KIF16B: variants seen among roughly 807,000 people sequenced by gnomAD.
KIF16B encodes the protein kinesin family member 16B, also known as kinesin-like protein KIF16B.
KIF16B carries 98 observed loss-of-function variants against 156.3 expected under a neutral mutation model. The ratio of observed to expected loss-of-function variants is 0.63; its 90% CI spans 0.53 to 0.74. The LOEUF (loss-of-function observed/expected upper bound fraction) is 0.74. Among genes scored for constraint, KIF16B ranks in the 30% least tolerant of loss-of-function variants. KIF16B has a pLI of 0.00. For synonymous variants in KIF16B, 564 were observed against 583.7 expected (o/e 0.97, Z 0.49); for missense variants, 1,421 against 1,606.5 (o/e 0.88, Z 1.97).
At chr20:16,290,430 T>A (rs1484816701) in intron 25 of KIF16B, among the ~76,000 whole-genome samples, 1 of 152,124 alleles carries the variant, frequency 6.6e-6, no homozygotes, top group Non-Finnish European at 1.5e-5. Flanking sequence ...TGAGGGCAAA[T>A]CTCCTTCGGT....
rs570012474 is a variant in KIF16B, at chr20:16,352,906, C to T, written c.3621+3424G>A. ...CTGGCAGTGACACCAGCAAGCTATA[C>T]AGCAAACAGGGGTCTTATACCAGGG... On this transcript the variant is annotated intron_variant, in intron 23 of 25. Transcript: ENST00000354981. Among the ~76,000 whole-genome samples, 53 of 152,334 alleles carry T rather than the reference C, an allele frequency of 3.5e-4. No homozygotes were observed. In the South Asian group the frequency reaches 6.6e-3, roughly 19 times the overall value.
At chr20:16,518,786 A>G (rs2069230126) in intron 3 of KIF16B, among the ~76,000 whole-genome samples, 1 of 152,190 alleles carries the variant, frequency 6.6e-6, no homozygotes, top group Admixed American at 6.5e-5. Flanking sequence ...GAACTATAGT[A>G]GTAGACATGA....
chr20:16,521,992 G>C (rs927547046), intron 3 of KIF16B, among the ~76,000 whole-genome samples: 15 of 152,226 alleles, frequency 9.9e-5, no homozygotes, highest in African/African-American at 3.6e-4. Flanking sequence ...GCCACCACCA[G>C]GCCTGCCTTA....
chr20:16,472,805 C>T (rs904629009), intron 12 of KIF16B, among the ~76,000 whole-genome samples: 14 of 152,166 alleles, frequency 9.2e-5, no homozygotes, highest in African/African-American at 3.4e-4. Context: ...CTATGTGCCA[C>T]TACCATGCCA....
At chr20:16,348,317 T>G (rs977162310) in intron 23 of KIF16B, among the ~76,000 whole-genome samples, 5 of 152,210 alleles carry the variant, frequency 3.3e-5, no homozygotes, top group African/African-American at 1.2e-4. Context: ...TATGGCTCAG[T>G]GCACTTAGAC....
At chr20:16,567,481 C>T (rs1739985057) in intron 1 of KIF16B, among the ~76,000 whole-genome samples, 1 of 152,182 alleles carries the variant, frequency 6.6e-6, no homozygotes, top group Admixed American at 6.5e-5. Flanking sequence ...ATCGGCATTT[C>T]CCTGAGGCCA....
chr20:16,289,734 G>A (rs1159936219), intron 25 of KIF16B, among the ~76,000 whole-genome samples: 3 of 152,112 alleles, frequency 2.0e-5, no homozygotes, highest in Admixed American at 6.5e-5. Context: ...CCAGCTACTC[G>A]GGAGGCTGAG....
intron 12 of KIF16B, among the ~76,000 whole-genome samples, chr20:16,458,274 T>C (rs1016963322): frequency 1.3e-5 from 2 of 152,254 alleles, no homozygotes; most frequent in Non-Finnish European, 2.9e-5. Context: ...GCTTGCTCTA[T>C]ATAAAGAGAA....
chr20:16,452,272 T>C (rs1013351212), intron 12 of KIF16B, among the ~76,000 whole-genome samples: 9 of 152,048 alleles, frequency 5.9e-5, no homozygotes, highest in African/African-American at 1.7e-4. Context: ...CTACAGGATA[T>C]TGAGAAACTG....
intron 15 of KIF16B, among the ~76,000 whole-genome samples, chr20:16,410,638 G>A (rs1159074927): frequency 6.6e-6 from 1 of 151,930 alleles, no homozygotes; most frequent in Non-Finnish European, 1.5e-5. Context: ...GAAAGCAAAG[G>A]TGCCACTATC....
At chr20:16,404,258 C>G (rs1414373614) in intron 17 of KIF16B, among the ~76,000 whole-genome samples, 1 of 152,132 alleles carries the variant, frequency 6.6e-6, no homozygotes, top group Non-Finnish European at 1.5e-5. Flanking sequence ...TAGGCATTTT[C>G]ATTATCACTG....
At chr20:16,459,766 A>G (rs762180456) in intron 12 of KIF16B, among the ~76,000 whole-genome samples, 1 of 152,230 alleles carries the variant, frequency 6.6e-6, no homozygotes, top group Non-Finnish European at 1.5e-5. Flanking sequence ...TAGGAAACTT[A>G]AATCGAATCT....
chr20:16,482,889 A>G (rs563692945), intron 12 of KIF16B, among the ~76,000 whole-genome samples: 11 of 152,292 alleles, frequency 7.2e-5, no homozygotes, highest in Admixed American at 5.2e-4. Flanking sequence ...AGCTGTGGTG[A>G]ATGAGCTTGA....
chr20:16,303,786 T>C (rs867499942), intron 25 of KIF16B, among the ~76,000 whole-genome samples: 6 of 152,226 alleles, frequency 3.9e-5, no homozygotes, highest in Middle Eastern at 6.8e-3. Context: ...ACTGCTAAAA[T>C]GCTGTGACCA....
intron 1 of KIF16B, among the ~76,000 whole-genome samples, chr20:16,567,324 C>T (rs1466198256): frequency 6.6e-6 from 1 of 152,216 alleles, no homozygotes; most frequent in African/African-American, 2.4e-5. Context: ...AATATCCCTT[C>T]AGGGCTCAAC....
At chr20:16,281,900 T>C (rs6105564) in intron 25 of KIF16B, among the ~76,000 whole-genome samples, 21,549 of 152,156 alleles carry the variant, frequency 0.14, 1,648 homozygotes, top group African/African-American at 0.18. Flanking sequence ...CAAGGACTGG[T>C]TCAAGGTGTG....
chr20:16,320,533 G>C (rs934006030), intron 24 of KIF16B, among the ~76,000 whole-genome samples: 7 of 152,114 alleles, frequency 4.6e-5, no homozygotes, highest in African/African-American at 1.7e-4. Flanking sequence ...AAACAGATTA[G>C]CACGCAGCAC....
chr20:16,349,971 C>A (rs1307144847), intron 23 of KIF16B, among the ~76,000 whole-genome samples: 1 of 152,162 alleles, frequency 6.6e-6, no homozygotes, highest in Non-Finnish European at 1.5e-5. Context: ...AGCAGATGGT[C>A]GACAAGTTTT....
Position 16,404,796 on chromosome 20 carries a change from T to G in KIF16B, c.1784+17A>C. 4 of 1,566,124 alleles carry G rather than the reference T, an allele frequency of 2.6e-6. No individual in the cohort carries two copies. The highest frequency in any genetic ancestry group is 2.6e-6 in the Non-Finnish European group (3 of 1,137,066). On this transcript the variant is annotated intron_variant, in intron 17 of 25. Transcript: ENST00000354981. Reference sequence around the variant, plus strand: ...AAAGTGATCATCACAGGGAAGGAGATGCTGCTGTTCACTCACCCGGGGTTA... The same window carrying G: ...AAAGTGATCATCACAGGGAAGGAGAGGCTGCTGTTCACTCACCCGGGGTTA...
Sources: allele counts gnomAD v4.1 joint callset (sites outside exome capture counted in the v4.1 genomes callset), GRCh38; gene constraint gnomAD v4.1.1; transcripts MANE v1.5; gene names NCBI Gene and HGNC (gene_info 2026-07-23, HGNC 2026-07-21).